Variants in PDE8A observed in about 807,000 individuals in gnomAD.
PDE8A encodes phosphodiesterase 8A.
A neutral mutation model predicts 105.0 loss-of-function variants in PDE8A; 59 were observed. That is an observed-to-expected ratio of 0.56 (90% CI 0.46 to 0.70). The LOEUF is 0.70. Among genes scored for constraint, PDE8A ranks in the 30% least tolerant of loss-of-function variants. PDE8A has a pLI of 0.00. For synonymous variants in PDE8A, 355 were observed against 371.9 expected (o/e 0.95, Z 0.52); for missense variants, 1,014 against 1,045.9 (o/e 0.97, Z 0.42).
chr15:85,013,477 C>T (rs905274918), intron 1 of PDE8A, among the ~76,000 whole-genome samples: 4 of 152,130 alleles, frequency 2.6e-5, no homozygotes, highest in Admixed American at 2.0e-4. Context: ...TTTTTATTAG[C>T]TCTTTCTTCC....
At chr15:85,106,855 G>A (rs1232001607) in intron 11 of PDE8A, among the ~76,000 whole-genome samples, 1 of 152,208 alleles carries the variant, frequency 6.6e-6, no homozygotes, top group Non-Finnish European at 1.5e-5. Context: ...CACAGAATCA[G>A]AGTGGCTGAT....
chr15:85,103,762 G>C (rs1192582860), intron 11 of PDE8A, among the ~76,000 whole-genome samples: 2 of 152,170 alleles, frequency 1.3e-5, no homozygotes, highest in African/African-American at 4.8e-5. Context: ...TGAGCTTTGA[G>C]CACCACTGGC....
intron 8 of PDE8A, among the ~76,000 whole-genome samples, chr15:85,091,944 C>T (rs865893050): frequency 1.6e-5 from 2 of 122,662 alleles, no homozygotes; most frequent in Non-Finnish European, 3.2e-5. Flanking sequence ...TGGGTAGAGA[C>T]TATTAATCTG....
chr15:85,021,434 T>A (rs1177418394), intron 1 of PDE8A, among the ~76,000 whole-genome samples: 2 of 152,044 alleles, frequency 1.3e-5, no homozygotes, highest in East Asian at 3.9e-4. Flanking sequence ...TCCTAGCTAC[T>A]GGGGTTGGGG....
intron 3 of PDE8A, among the ~76,000 whole-genome samples, chr15:85,072,831 G>T (rs1036858197): frequency 5.3e-5 from 8 of 152,192 alleles, no homozygotes; most frequent in African/African-American, 1.9e-4. Flanking sequence ...TTCCCAGTGA[G>T]GCCGGGCTTG....
chr15:84,981,212 T>C (rs925407625), upstream of PDE8A, among the ~76,000 whole-genome samples: 1 of 152,194 alleles, frequency 6.6e-6, no homozygotes, highest in African/African-American at 2.4e-5. Context: ...TTTCCTTCTC[T>C]GGGTAGCCCA....
intron 5 of PDE8A, among the ~76,000 whole-genome samples, chr15:85,080,258 A>G (rs1161321145): frequency 6.6e-6 from 1 of 152,150 alleles, no homozygotes; most frequent in Non-Finnish European, 1.5e-5. Context: ...CAACATACAT[A>G]CACATCAGCA....
In PDE8A at chr15:84,982,016, C is replaced by T. The variant is rs2079717834; in HGVS notation, c.-147C>T. ...CCCGCACCGCGATAAAAGGGGCGGC[C>T]GCGTTTCCTGACGCGAGATCCGCGC... On this transcript the variant is annotated 5_prime_UTR_variant, in exon 1 of 22. Coordinates refer to ENST00000394553, the MANE Select transcript of PDE8A (RefSeq NM_002605.3). 5.5e-6 allele frequency: 2 copies of T among 363,366 alleles called. No homozygotes were observed. Among genetic ancestry groups the T allele is most frequent in the South Asian group, 2.5e-4 (2 of 7,940 alleles). 22.5% of individuals were successfully genotyped at this position (363,366 alleles called of 1,614,324 possible).
intron 11 of PDE8A, among the ~76,000 whole-genome samples, chr15:85,102,200 G>C (rs75707364): frequency 7.9e-4 from 120 of 152,248 alleles, no homozygotes; most frequent in Non-Finnish European, 1.2e-3. Flanking sequence ...AACAGAAGCA[G>C]GAAAAGAGGG....
At chr15:85,079,645 G>A (rs1304350489) in intron 5 of PDE8A, among the ~76,000 whole-genome samples, 1 of 152,210 alleles carries the variant, frequency 6.6e-6, no homozygotes, top group Admixed American at 6.5e-5. Flanking sequence ...GGGCACGGTG[G>A]CTCACGCCTG....
intron 14 of PDE8A, 130 bp from the exon 15 acceptor site, chr15:85,115,309 C>T: frequency 1.6e-6 from 1 of 619,824 alleles, no homozygotes; most frequent in Non-Finnish European, 2.8e-6. Context: ...CCTGCTGGGC[C>T]CAGGGCAGCC....
At chr15:85,041,909 C>G (rs2080815006) in intron 1 of PDE8A, among the ~76,000 whole-genome samples, 2 of 152,152 alleles carry the variant, frequency 1.3e-5, no homozygotes, top group Non-Finnish European at 2.9e-5. Flanking sequence ...AGTTCCTTTA[C>G]TATATACTTA....
intron 1 of PDE8A, among the ~76,000 whole-genome samples, chr15:85,061,532 G>A (rs560518432): frequency 1.9e-4 from 29 of 152,206 alleles, no homozygotes; most frequent in African/African-American, 4.8e-4. Context: ...GAGCCACCAC[G>A]CCCAGTTCTT....
chr15:85,125,413 G>T (rs6496728), intron 19 of PDE8A, among the ~76,000 whole-genome samples: 7,174 of 152,168 alleles, frequency 0.047, 241 homozygotes, highest in African/African-American at 0.095. Flanking sequence ...CCTACAAATA[G>T]TGGTTCTATT....
chr15:85,042,076 A>ATT lies in PDE8A; in HGVS notation c.187-22283_187-22282dup, dbSNP rs113543416. On this transcript the variant is annotated intron_variant, in intron 1 of 21. Transcript: ENST00000394553. ...CCAAAAAGAAACTTTAAAGAAACCAATTTTTTTTTTTTAATAAAAAATAGT... is the reference window on the plus strand; with the variant it reads ...CCAAAAAGAAACTTTAAAGAAACCAATTTTTTTTTTTTTTAATAAAAAATAGT... Among the ~76,000 whole-genome samples the ATT allele has an allele frequency of 2.4e-3, 368 of 150,834 alleles. 3 individuals carry two copies. The highest frequency in any genetic ancestry group is 0.014 in the Middle Eastern group (4 of 292).
chr15:85,010,364 G>C (rs1287431831), intron 1 of PDE8A, among the ~76,000 whole-genome samples: 1 of 152,206 alleles, frequency 6.6e-6, no homozygotes, highest in Non-Finnish European at 1.5e-5. Flanking sequence ...GACTTAGCAT[G>C]TGCTTTAGCC....
chr15:85,127,739 C>G (rs2082277044), intron 20 of PDE8A, among the ~76,000 whole-genome samples: 2 of 152,166 alleles, frequency 1.3e-5, no homozygotes. Flanking sequence ...ACATTCACTT[C>G]TACCCAAATT....
In PDE8A at chr15:85,123,067, T is replaced by C. The variant is rs2082205512; in HGVS notation, c.1959T>C (p.Asp653=). The C allele has an allele frequency of 6.2e-7, 1 of 1,613,738 alleles. No homozygotes were observed. The highest frequency in any genetic ancestry group is 1.7e-5 in the Admixed American group (1 of 59,980). ...AATTTGTCATCGAAAACAGGAATGA[T>C]TATCGGACACTGCGCCAGGGGATTA... ...CNIFKNMERN[D]YRTLRQGIID... The change falls in exon 19 of 22, where the codon GAT becomes GAC. Residue 653 remains aspartate, a synonymous_variant. Coordinates refer to ENST00000394553, the MANE Select transcript of PDE8A (RefSeq NM_002605.3).
At chr15:85,133,059 C>T (rs563985895) in intron 20 of PDE8A, among the ~76,000 whole-genome samples, 6 of 152,174 alleles carry the variant, frequency 3.9e-5, no homozygotes, top group Non-Finnish European at 8.8e-5. Context: ...TGTCTCTCAG[C>T]CTTACAATTA....
Sources: gnomAD v4.1 joint callset for allele counts (sites outside exome capture counted in the v4.1 genomes callset) on GRCh38, gnomAD v4.1.1 for gene constraint, MANE v1.5 for transcripts, NCBI Gene and HGNC (gene_info 2026-07-23, HGNC 2026-07-21) for gene names.